Variants in TAFA1 observed in about 807,000 individuals in gnomAD.
The protein encoded by TAFA1 is chemokine-like protein TAFA-1.
Under a neutral mutation model 18.5 loss-of-function variants are expected in TAFA1, and 4 were observed. The observed-to-expected ratio is 0.22, with a 90% confidence interval of 0.11 to 0.49. The LOEUF (loss-of-function observed/expected upper bound fraction) is 0.49, where lower values mean the gene tolerates loss of function less well. Ranked by LOEUF, TAFA1 falls within the 20% of genes least tolerant of loss-of-function variation. TAFA1 has a pLI of 0.98. For missense variants in TAFA1, 147 were observed against 169.0 expected (o/e 0.87, Z 0.72); for synonymous variants, 56 against 55.2 (o/e 1.01, Z -0.06).
chr3:68,417,653 T>C (rs1475149434), intron 3 of TAFA1: 1 of 503,040 alleles, frequency 2.0e-6, no homozygotes, highest in Non-Finnish European at 3.5e-6. Context: ...ATTGCAGCAT[T>C]GAGAGGTGGG....
At chr3:68,344,369 A>G (rs990124082) in intron 2 of TAFA1, among the ~76,000 whole-genome samples, 4 of 152,082 alleles carry the variant, frequency 2.6e-5, no homozygotes, top group African/African-American at 9.7e-5. Flanking sequence ...AAGTTTGGGA[A>G]CCTCTAGTTT....
chr3:68,395,719 C>T (rs2070369129), intron 2 of TAFA1, among the ~76,000 whole-genome samples: 1 of 152,100 alleles, frequency 6.6e-6, no homozygotes, highest in Non-Finnish European at 1.5e-5. Context: ...GAAAACCAAA[C>T]ACTGCATATT....
At chr3:68,216,894 T>C (rs1479958932) in intron 2 of TAFA1, among the ~76,000 whole-genome samples, 1 of 152,042 alleles carries the variant, frequency 6.6e-6, no homozygotes, top group East Asian at 1.9e-4. Context: ...TAAATATCCA[T>C]TGGCTTTACT....
intron 3 of TAFA1, among the ~76,000 whole-genome samples, chr3:68,483,986 A>G (rs953617940): frequency 2.0e-5 from 3 of 152,236 alleles, no homozygotes; most frequent in Non-Finnish European, 4.4e-5. Context: ...ATTTTACAAT[A>G]ACACTGTCCA....
At chr3:68,103,690 A>C (rs1476241240) in intron 2 of TAFA1, among the ~76,000 whole-genome samples, 1 of 152,078 alleles carries the variant, frequency 6.6e-6, no homozygotes, top group Non-Finnish European at 1.5e-5. Context: ...TACTACCATC[A>C]CCACCACCAC....
chr3:68,364,545 AC>A (rs1300335021), intron 2 of TAFA1, among the ~76,000 whole-genome samples: 1 of 152,208 alleles, frequency 6.6e-6, no homozygotes, highest in Non-Finnish European at 1.5e-5. Context: ...TTCAAGGGGA[AC>A]ATTTCTAGAG....
chr3:68,405,699 CAAAAAAAAAAAAAAAAAAAAAAAAAAAAA>C (rs56258198), intron 2 of TAFA1, among the ~76,000 whole-genome samples: 6 of 32,890 alleles, frequency 1.8e-4, no homozygotes, highest in South Asian at 1.7e-3. Flanking sequence ...GACTCTATCT[CAAAAAAAAAAAAAAAAAAAAAAAAAAAAA>C]AAAAAAAAAA....
intron 2 of TAFA1, among the ~76,000 whole-genome samples, chr3:68,113,752 C>A (rs1194069512): frequency 6.6e-6 from 1 of 152,114 alleles, no homozygotes; most frequent in Non-Finnish European, 1.5e-5. Context: ...GCAGTAGTGG[C>A]CCTGGCCATT....
chr3:68,489,995 C>T (rs1266199945), intron 3 of TAFA1, among the ~76,000 whole-genome samples: 2 of 151,964 alleles, frequency 1.3e-5, no homozygotes, highest in African/African-American at 4.8e-5. Flanking sequence ...TTTTGTGAAA[C>T]AAAACAAAAT....
chr3:68,320,744 T>C (rs2068686104), intron 2 of TAFA1, among the ~76,000 whole-genome samples: 1 of 152,188 alleles, frequency 6.6e-6, no homozygotes, highest in South Asian at 2.1e-4. Flanking sequence ...CCAAAGATTC[T>C]TCTTATTCTC....
At chr3:68,173,862 C>T (rs1320916134) in intron 2 of TAFA1, among the ~76,000 whole-genome samples, 1 of 151,018 alleles carries the variant, frequency 6.6e-6, no homozygotes, top group African/African-American at 2.4e-5. Flanking sequence ...AGAACTGCCA[C>T]TTAAACAATG....
intron 3 of TAFA1, among the ~76,000 whole-genome samples, chr3:68,453,489 C>T (rs2071602210): frequency 6.6e-6 from 1 of 152,140 alleles, no homozygotes; most frequent in Non-Finnish European, 1.5e-5. Context: ...GGGCTTGAAC[C>T]ACCAGGTGAG....
chr3:68,400,255 G>A (rs2070461804), intron 2 of TAFA1, among the ~76,000 whole-genome samples: 1 of 152,124 alleles, frequency 6.6e-6, no homozygotes, highest in Admixed American at 6.6e-5. Context: ...TAGGCAAGCA[G>A]GAACAGTGGA....
intron 2 of TAFA1, among the ~76,000 whole-genome samples, chr3:68,120,171 C>CTGTTTCTT (rs1178876848): frequency 8.3e-5 from 7 of 84,488 alleles, no homozygotes; most frequent in African/African-American, 2.7e-4. Flanking sequence ...CTCTTTCTTT[C>CTGTTTCTT]TCTTTCTTTC....
intron 2 of TAFA1, among the ~76,000 whole-genome samples, chr3:68,238,549 T>G (rs2066957858): frequency 1.3e-5 from 2 of 152,132 alleles, no homozygotes; most frequent in African/African-American, 2.4e-5. Flanking sequence ...TTTGAAAATT[T>G]TATTTCCTGA....
chr3:68,129,349 G>C (rs1297600566), intron 2 of TAFA1, among the ~76,000 whole-genome samples: 1 of 152,168 alleles, frequency 6.6e-6, no homozygotes, highest in Non-Finnish European at 1.5e-5. Context: ...AAAAAGAGCT[G>C]TATTGTATAA....
At chr3:68,428,901 T>G (rs1174867948) in intron 3 of TAFA1, among the ~76,000 whole-genome samples, 1 of 151,984 alleles carries the variant, frequency 6.6e-6, no homozygotes, top group Admixed American at 6.6e-5. Context: ...TTATGCCAGA[T>G]GCCTCTTCTC....
rs1353493315 is a variant in TAFA1, at chr3:68,479,241, A to AAAAAATATATATAT, written c.260-59514_260-59513insAAAATATATATATA. Among the ~76,000 whole-genome samples the AAAAAATATATATAT allele has an allele frequency of 3.2e-5, 4 of 123,666 alleles. No individual in the cohort carries two copies. In the East Asian group the frequency reaches 9.9e-4, roughly 31 times the overall value. The allele number at this position is 123,666 out of a possible 152,430, so 81.1% of individuals were successfully genotyped here. A position where few individuals can be genotyped will look rare whatever the true frequency, so the allele number is the denominator to read the frequency against. ...TGAGACTCCATCTCAAAAAAAAAAA[A>AAAAAATATATATAT]ATATATATATATATATATATATGTC... is the stretch of plus-strand genomic sequence containing the variant. On this transcript the variant is annotated intron_variant, in intron 3 of 4. Coordinates refer to ENST00000478136, the MANE Select transcript of TAFA1 (RefSeq NM_213609.4).
chr3:68,439,613 A>G (rs1177304881), intron 3 of TAFA1, among the ~76,000 whole-genome samples: 1 of 151,570 alleles, frequency 6.6e-6, no homozygotes, highest in East Asian at 1.9e-4. Context: ...CTGGAAGGCT[A>G]AACCAGTCTA....
Sources: allele counts gnomAD v4.1 joint callset (sites outside exome capture counted in the v4.1 genomes callset), GRCh38; gene constraint gnomAD v4.1.1; transcripts MANE v1.5; gene names NCBI Gene and HGNC (gene_info 2026-07-23, HGNC 2026-07-21).